The following ZSCAN30 variants were observed in gnomAD, a reference collection of about 807,000 sequenced individuals.
ZSCAN30 encodes zinc finger and SCAN domain containing 30.
ZSCAN30 carries 37 observed loss-of-function variants against 44.3 expected under a neutral mutation model. The ratio of observed to expected loss-of-function variants is 0.84; its 90% confidence interval spans 0.64 to 1.10. The LOEUF is 1.10. ZSCAN30 is among the 50% of genes least tolerant of loss of function. The pLI is 0.00. For synonymous variants in ZSCAN30, 181 were observed against 204.6 expected (o/e 0.88, Z 0.98); for missense variants, 549 against 582.6 (o/e 0.94, Z 0.59).
chr18:35,253,329 A>G lies in ZSCAN30; in HGVS notation c.*121T>C. The stretch of plus-strand genomic sequence containing the variant: ...CATCTTTGTGTGCATGTCTTCTTAT[A>G]GTACCGAACTGGGAGGGAAGGACAG... On this transcript the variant is annotated 3_prime_UTR_variant, in exon 4 of 4. Transcript: ENST00000333206. The G allele has an allele frequency of 2.9e-6, 2 of 698,770 alleles. No individual in the cohort carries two copies. Among genetic ancestry groups the G allele is most frequent in the Non-Finnish European group, 4.6e-6 (2 of 433,336 alleles). The allele number at this position is 698,770 out of a possible 1,614,324, so 43.3% of individuals were successfully genotyped here.
At chr18:35,257,052 A>ATT (rs2043852877) in intron 3 of ZSCAN30, 1 of 152,382 alleles carries the variant, frequency 6.6e-6, no homozygotes, top group African/African-American at 2.4e-5. Flanking sequence ...ATGGAACTAC[A>ATT]GGCACGAGCC....
intron 1 of ZSCAN30, chr18:35,269,669 A>C (rs965269397): frequency 3.2e-4 from 48 of 152,306 alleles, no homozygotes; most frequent in African/African-American, 1.0e-3. Context: ...TGAGCAAGTA[A>C]AATTTTCATT....
At chr18:35,268,193 C>G (rs1204568707) in intron 1 of ZSCAN30, 1 of 152,310 alleles carries the variant, frequency 6.6e-6, no homozygotes, top group Non-Finnish European at 1.5e-5. Context: ...GAAACTAGGC[C>G]AAGGGGTTGG....
At chr18:35,284,502 G>A (rs554728672) in intron 1 of ZSCAN30, 2 of 154,982 alleles carry the variant, frequency 1.3e-5, no homozygotes, top group Non-Finnish European at 2.9e-5. Context: ...CCCAAAGTCT[G>A]GAGGGGGCTG....
At chr18:35,259,506 C>T (rs1481394324) in intron 3 of ZSCAN30, among the ~76,000 whole-genome samples, 1 of 152,196 alleles carries the variant, frequency 6.6e-6, no homozygotes, top group African/African-American at 2.4e-5. Flanking sequence ...TTGCTAGGTC[C>T]TCACAAGATC....
chr18:35,286,110 C>T, intron 1 of ZSCAN30, among the ~76,000 whole-genome samples: 1 of 152,090 alleles, frequency 6.6e-6, no homozygotes, highest in East Asian at 1.9e-4. Flanking sequence ...TTAAATGATA[C>T]AAAATACTAA....
chr18:35,279,781 T>C lies in ZSCAN30; in HGVS notation c.-104+10303A>G, dbSNP rs569385794. On this transcript the variant is annotated intron_variant, in intron 1 of 3. Coordinates refer to ENST00000333206, the MANE Select transcript of ZSCAN30 (RefSeq NM_001112734.4). ...GCCCTTATAACCTAATTACCTCCCA[T>C]AGGCCCATGTCCAAATACTATCACA... Among the ~76,000 whole-genome samples the C allele has an allele frequency of 6.6e-5, 10 of 152,320 alleles. 1 individual carries two copies. The South Asian group carries it at 1.7e-3, about 25-fold the overall frequency.
chr18:35,289,413 T>C (rs1281672135), intron 1 of ZSCAN30: 1 of 152,176 alleles, frequency 6.6e-6, no homozygotes, highest in Non-Finnish European at 1.5e-5. Flanking sequence ...CAACAGGGAC[T>C]TGGGCTGGGA....
chr18:35,280,987 G>A (rs1438394652), intron 1 of ZSCAN30: 2 of 152,210 alleles, frequency 1.3e-5, no homozygotes, highest in African/African-American at 2.4e-5. Flanking sequence ...AAGTCCACAT[G>A]TAGGTCTTTA....
Position 35,251,393 on chromosome 18 carries a change from A to C in ZSCAN30, c.*2057T>G, listed in dbSNP as rs2043588664. 6.6e-6 allele frequency: 1 copy of C among 152,198 alleles called. No homozygotes were observed. The highest frequency in any genetic ancestry group is 2.1e-4 in the South Asian group (1 of 4,824). 9.4% of individuals were successfully genotyped at this position (152,198 alleles called of 1,614,324 possible). A position where few individuals can be genotyped will look rare whatever the true frequency, so the allele number is the denominator to read the frequency against. On this transcript the variant is annotated 3_prime_UTR_variant, in exon 4 of 4. Transcript: ENST00000333206. The stretch of plus-strand genomic sequence containing the variant: ...TATAGGAAAAGGCAACTCACTATCC[A>C]TTTGAAAGATCCCTTTAGACTTCTG...
chr18:35,276,326 C>G lies in ZSCAN30; in HGVS notation c.-103-11871G>C, dbSNP rs577126103. Among the ~76,000 whole-genome samples, 10 of 151,784 alleles carry G rather than the reference C, an allele frequency of 6.6e-5. No homozygotes were observed. In the South Asian group the frequency reaches 2.1e-3, roughly 32 times the overall value. The stretch of plus-strand genomic sequence containing the variant: ...TTTTTTTAAATTACTAACTCAATCT[C>G]TTTATTATACATCTATTCACATTTT... On this transcript the variant is annotated intron_variant, in intron 1 of 3. Coordinates refer to ENST00000333206, the MANE Select transcript of ZSCAN30 (RefSeq NM_001112734.4).
intron 1 of ZSCAN30, chr18:35,282,050 G>A (rs1232109737): frequency 6.6e-6 from 1 of 152,146 alleles, no homozygotes; most frequent in Non-Finnish European, 1.5e-5. Flanking sequence ...CAGTAGTCTT[G>A]AAGGTCTAAA....
chr18:35,271,195 C>T (rs1167852435), intron 1 of ZSCAN30, among the ~76,000 whole-genome samples: 2 of 152,150 alleles, frequency 1.3e-5, no homozygotes, highest in Non-Finnish European at 2.9e-5. Context: ...GCTGGGGCAG[C>T]CGGCTTTTAT....
intron 3 of ZSCAN30, among the ~76,000 whole-genome samples, chr18:35,255,387 A>C (rs946010892): frequency 1.3e-5 from 2 of 151,966 alleles, no homozygotes; most frequent in African/African-American, 4.8e-5. Context: ...ACATCTTCCC[A>C]AAAGCCCTCT....
At chr18:35,266,328 C>A (rs1247494845) in intron 1 of ZSCAN30, among the ~76,000 whole-genome samples, 1 of 151,912 alleles carries the variant, frequency 6.6e-6, no homozygotes, top group Non-Finnish European at 1.5e-5. Flanking sequence ...CAGAGAGTGG[C>A]GTGGAGAAGA....
At chr18:35,261,913 AC>A (rs2017058748) in intron 3 of ZSCAN30, 1 of 152,118 alleles carries the variant, frequency 6.6e-6, no homozygotes, top group Non-Finnish European at 1.5e-5. Context: ...TGCAGAAGAT[AC>A]TTAAGAGGGC....
chr18:35,273,998 G>A (rs1179767784), intron 1 of ZSCAN30, among the ~76,000 whole-genome samples: 2 of 152,132 alleles, frequency 1.3e-5, no homozygotes, highest in Non-Finnish European at 1.5e-5. Context: ...AAAGTTGATG[G>A]GGAAATAATT....
chr18:35,254,999 G>A (rs2043748403), intron 3 of ZSCAN30: 1 of 153,850 alleles, frequency 6.5e-6, no homozygotes, highest in South Asian at 2.0e-4. Flanking sequence ...CTCATTCTCA[G>A]GTCAGGTGGG....
rs1290232156 is a variant in ZSCAN30 at position 35,263,404 on chromosome 18, C to A, written c.553+109G>T. 8 of 1,408,236 alleles carry A rather than the reference C, an allele frequency of 5.7e-6. No individual in the cohort carries two copies. The Admixed American group carries it at 1.2e-4, about 20-fold the overall frequency. The allele number at this position is 1,408,236 out of a possible 1,614,324, so 87.2% of individuals were successfully genotyped here. On this transcript the variant is annotated intron_variant, in intron 3 of 3. Coordinates refer to ENST00000333206, the MANE Select transcript of ZSCAN30 (RefSeq NM_001112734.4). ...ATATTTCTAGGCAAAGAAGCCTTTCCACAATACTTAGTGATAGCCACAAGT... is the reference window on the plus strand; with the variant it reads ...ATATTTCTAGGCAAAGAAGCCTTTCAACAATACTTAGTGATAGCCACAAGT...
Sources: gnomAD v4.1 joint callset for allele counts (sites outside exome capture counted in the v4.1 genomes callset) on GRCh38, gnomAD v4.1.1 for gene constraint, MANE v1.5 for transcripts, NCBI Gene and HGNC (gene_info 2026-07-23, HGNC 2026-07-21) for gene names.